Variants in DPP6 observed in about 807,000 individuals in gnomAD.
The protein encoded by DPP6 is A-type potassium channel modulatory protein DPP6.
DPP6 carries 69 observed loss-of-function variants against 122.6 expected under a neutral mutation model. That is an observed-to-expected ratio of 0.56 (90% CI 0.46 to 0.69). The LOEUF (loss-of-function observed/expected upper bound fraction) is 0.69, where lower values mean the gene tolerates loss of function less well. Among genes scored for constraint, DPP6 ranks in the 30% least tolerant of loss-of-function variants. The pLI is 0.00. For synonymous variants in DPP6, 418 were observed against 433.1 expected (o/e 0.97, Z 0.43); for missense variants, 928 against 1,116.9 (o/e 0.83, Z 2.41).
intron 1 of DPP6, among the ~76,000 whole-genome samples, chr7:154,082,557 C>T (rs149982372): frequency 0.16 from 23,775 of 151,494 alleles, 2,854 homozygotes; most frequent in African/African-American, 0.34. Context: ...TTCCATTAAA[C>T]GACATGAAGT....
At chr7:154,887,154 G>C (rs1008532809) in intron 22 of DPP6, among the ~76,000 whole-genome samples, 2 of 152,266 alleles carry the variant, frequency 1.3e-5, no homozygotes, top group African/African-American at 4.8e-5. Context: ...GCGCCCTCAG[G>C]CTTACCCTGC....
chr7:154,854,975 G>A (rs539823195), intron 17 of DPP6, among the ~76,000 whole-genome samples: 23 of 152,096 alleles, frequency 1.5e-4, no homozygotes, highest in African/African-American at 5.3e-4. Flanking sequence ...GCCCGGGTCC[G>A]CAGTTCCCCT....
chr7:154,806,786 G>A (rs1462031696), intron 15 of DPP6, among the ~76,000 whole-genome samples: 2 of 152,216 alleles, frequency 1.3e-5, no homozygotes, highest in Admixed American at 6.5e-5. Context: ...GCTCTTGAGA[G>A]TGGGAGGGAC....
intron 1 of DPP6, among the ~76,000 whole-genome samples, chr7:154,156,595 A>C (rs189772976): frequency 2.8e-3 from 419 of 152,348 alleles, no homozygotes; most frequent in African/African-American, 9.2e-3. Context: ...CATAGAAAGT[A>C]AATTTCAAAT....
chr7:154,301,090 T>G (rs1254642997), intron 1 of DPP6, among the ~76,000 whole-genome samples: 3 of 152,210 alleles, frequency 2.0e-5, no homozygotes, highest in African/African-American at 7.2e-5. Context: ...GGGTTTCATA[T>G]TAAATTTTCT....
chr7:154,305,335 T>TTCCCC, intron 1 of DPP6: 1 of 1,024,760 alleles, frequency 9.8e-7, no homozygotes, highest in Non-Finnish European at 1.2e-6. Flanking sequence ...TCGTCTTGTC[T>TTCCCC]ACCCACCCTC....
At chr7:154,891,392 C>T (rs1479366796) in intron 25 of DPP6, among the ~76,000 whole-genome samples, 2 of 152,284 alleles carry the variant, frequency 1.3e-5, no homozygotes, top group East Asian at 3.9e-4. Context: ...TTCCAGGCCT[C>T]ATTCTAAGCA....
At chr7:154,375,191 C>A (rs963847200) in intron 1 of DPP6, among the ~76,000 whole-genome samples, 2 of 151,792 alleles carry the variant, frequency 1.3e-5, no homozygotes, top group African/African-American at 4.8e-5. Flanking sequence ...CGGAGGCTGG[C>A]GTGAAATGGG....
intron 1 of DPP6, among the ~76,000 whole-genome samples, chr7:154,253,381 T>G (rs1174841803): frequency 6.6e-6 from 1 of 152,318 alleles, no homozygotes; most frequent in Non-Finnish European, 1.5e-5. Context: ...CTTCCCTACC[T>G]GCAGGGGAAA....
At chr7:154,525,544 T>A (rs1388540) in intron 3 of DPP6, among the ~76,000 whole-genome samples, 62,240 of 152,046 alleles carry the variant, frequency 0.41, 12,982 homozygotes, top group African/African-American at 0.43. Flanking sequence ...TTGTTTATTT[T>A]CTTGGAATGA....
intron 1 of DPP6, among the ~76,000 whole-genome samples, chr7:153,928,582 G>A (rs1801031475): frequency 6.6e-6 from 1 of 151,386 alleles, no homozygotes; most frequent in South Asian, 2.1e-4. Context: ...TTCTTGCTAT[G>A]TCTTCACATG....
rs189993630 is a variant in DPP6, at chr7:154,718,859, C to T, written c.763-8908C>T. On this transcript the variant is annotated intron_variant, in intron 7 of 25. Coordinates refer to ENST00000377770, the MANE Select transcript of DPP6 (RefSeq NM_130797.4). ...TTCACTGTGTTGGCCAGGCTGGTCTCAAACTTCTGACCTCAGGTGATCCAC... is the reference window on the plus strand; with the variant it reads ...TTCACTGTGTTGGCCAGGCTGGTCTTAAACTTCTGACCTCAGGTGATCCAC... Among the ~76,000 whole-genome samples the T allele has an allele frequency of 1.2e-3, 179 of 152,048 alleles. 2 individuals are homozygous for T. Among genetic ancestry groups the T allele is most frequent in the African/African-American group, 4.1e-3 (169 of 41,486 alleles).
intron 1 of DPP6, among the ~76,000 whole-genome samples, chr7:154,147,831 G>T (rs932594609): frequency 7.9e-5 from 12 of 151,118 alleles, no homozygotes; most frequent in Non-Finnish European, 2.9e-5. Flanking sequence ...AGTGTGAGCC[G>T]CAGCACCTGG....
intron 3 of DPP6, among the ~76,000 whole-genome samples, chr7:154,499,544 A>T (rs1825045800): frequency 6.6e-6 from 1 of 152,082 alleles, no homozygotes; most frequent in Non-Finnish European, 1.5e-5. Flanking sequence ...TTCTCATCTC[A>T]TGGGTTTTAA....
At chr7:154,706,735 T>C (rs1373581167) in intron 7 of DPP6, among the ~76,000 whole-genome samples, 1 of 152,244 alleles carries the variant, frequency 6.6e-6, no homozygotes, top group Non-Finnish European at 1.5e-5. Context: ...CAATTTTATT[T>C]TGAGAACTTT....
At chr7:153,808,256 CGTGT>C in the DPP6 span, among the ~76,000 whole-genome samples, 5 of 145,010 alleles carry the variant, frequency 3.4e-5, no homozygotes, top group African/African-American at 5.2e-5. Flanking sequence ...CACGTGCGTG[CGTGT>C]GTGCCTGTGT....
chr7:153,991,050 G>T (rs1027457724), intron 1 of DPP6, among the ~76,000 whole-genome samples: 21 of 152,292 alleles, frequency 1.4e-4, no homozygotes, highest in Non-Finnish European at 2.2e-4. Flanking sequence ...TAGAATGATG[G>T]AGTAATAAGG....
chr7:154,510,858 G>A (rs948273431), intron 3 of DPP6, among the ~76,000 whole-genome samples: 1 of 151,712 alleles, frequency 6.6e-6, no homozygotes, highest in Non-Finnish European at 1.5e-5. Context: ...TCTTGATAAA[G>A]CATGTGCTTG....
rs1236869762 is a variant in DPP6, at chr7:154,403,568, G to T, written c.244-42646G>T. Reference sequence around the variant, plus strand: ...GTGCATCCAACTCTGGGCTGGGAAAGCAAAGAGCACTGGGCAATCACGCCT... The same window carrying T: ...GTGCATCCAACTCTGGGCTGGGAAATCAAAGAGCACTGGGCAATCACGCCT... On this transcript the variant is annotated intron_variant, in intron 1 of 25. Transcript: ENST00000377770. This position sits in a 1 kb window ranked among gnomAD's most constrained non-coding sequence, Gnocchi z 4.1. 6.6e-6 allele frequency among the ~76,000 whole-genome samples: 1 copy of T among 152,236 alleles called. No homozygotes were observed. Among genetic ancestry groups the T allele is most frequent in the Non-Finnish European group, 1.5e-5 (1 of 68,032 alleles).
Sources: allele counts gnomAD v4.1 joint callset (sites outside exome capture counted in the v4.1 genomes callset), GRCh38; gene constraint gnomAD v4.1.1; non-coding constraint Gnocchi (gnomAD v3.1); transcripts MANE v1.5; gene names NCBI Gene and HGNC (gene_info 2026-07-23, HGNC 2026-07-21).